DNAH10: variants seen among roughly 807,000 people sequenced by gnomAD.
DNAH10 encodes the protein axonemal beta dynein heavy chain 10.
A neutral mutation model predicts 506.6 loss-of-function variants in DNAH10; 348 were observed. That is an observed-to-expected ratio of 0.69 (90% CI 0.63 to 0.75). The LOEUF is 0.75. Among genes scored for constraint, DNAH10 ranks in the 30% least tolerant of loss-of-function variants. The pLI, the probability that DNAH10 is intolerant of heterozygous loss-of-function variation, is 0.00. For synonymous variants in DNAH10, 2,059 were observed against 2,198.6 expected (o/e 0.94, Z 1.78); for missense variants, 5,179 against 5,787.1 (o/e 0.89, Z 3.41).
rs1961044007 is a variant in DNAH10 at position 123,835,532 on chromosome 12, A to G, written c.4902+4A>G. On this transcript the variant is annotated splice_donor_region_variant and intron_variant, in intron 28 of 78. Coordinates refer to ENST00000673944, the MANE Select transcript of DNAH10 (RefSeq NM_001372106.1). ...CATCGATAAAGTATTTAAAAGGGCA[A>G]GTGACTCGCTTCTATTTTAGTAATG... is the stretch of plus-strand genomic sequence containing the variant. 6.2e-7 allele frequency: 1 copy of G among 1,605,786 alleles called. No homozygotes were observed.
At chr12:123,798,433 A>G (rs544319610) in intron 13 of DNAH10, among the ~76,000 whole-genome samples, 1 of 152,312 alleles carries the variant, frequency 6.6e-6, no homozygotes, top group South Asian at 2.1e-4. Context: ...TCACTTGAGC[A>G]GATCTCCCAA....
At chr12:123,878,359 A>T (rs1388597589) in intron 48 of DNAH10, among the ~76,000 whole-genome samples, 2 of 152,226 alleles carry the variant, frequency 1.3e-5, no homozygotes, top group Admixed American at 1.3e-4. Flanking sequence ...ATGAATGTCT[A>T]CTTTAGTCTA....
intron 52 of DNAH10, among the ~76,000 whole-genome samples, chr12:123,891,645 G>A (rs1952988094): frequency 6.6e-6 from 1 of 152,182 alleles, no homozygotes; most frequent in Non-Finnish European, 1.5e-5. Context: ...GGCAGGCAGA[G>A]CACAGGGAGC....
intron 46 of DNAH10, 95 bp from the exon 47 acceptor site, chr12:123,875,136 G>A: frequency 7.0e-7 from 1 of 1,434,358 alleles, no homozygotes; most frequent in East Asian, 2.5e-5. Context: ...AGAGTAACGG[G>A]AAAAATGAGC....
In DNAH10 at chr12:123,926,968, G is replaced by C. The variant is rs1954973280; in HGVS notation, c.12105+148G>C. 3.8e-6 allele frequency: 3 copies of C among 799,428 alleles called. No homozygotes were observed. The highest frequency in any genetic ancestry group is 3.0e-4 in the Middle Eastern group (1 of 3,286). 49.5% of individuals were successfully genotyped at this position (799,428 alleles called of 1,614,324 possible). On this transcript the variant is annotated intron_variant, in intron 69 of 78. Coordinates refer to ENST00000673944, the MANE Select transcript of DNAH10 (RefSeq NM_001372106.1). This position sits in a 1 kb window ranked among gnomAD's most constrained non-coding sequence, Gnocchi z 4.1. ...GCTAAGAAGCAGTAATGAAACACTG[G>C]GAAGATGACAATAATAGTTATGATT...
intron 65 of DNAH10, among the ~76,000 whole-genome samples, chr12:123,922,720 T>C (rs1050599095): frequency 6.6e-6 from 1 of 152,220 alleles, no homozygotes; most frequent in African/African-American, 2.4e-5. Flanking sequence ...GCTGTCTTCC[T>C]GCTCTGTCCA....
chr12:123,879,916 G>A (rs1952430236), intron 50 of DNAH10, 115 bp downstream of exon 50: 13 of 1,232,858 alleles, frequency 1.1e-5, no homozygotes, highest in South Asian at 1.5e-5. Flanking sequence ...CTGTCTGAGG[G>A]CTTGAAATAC....
intron 21 of DNAH10, chr12:123,814,240 A>G (rs75889421): frequency 0.12 from 22,541 of 181,770 alleles, 1,797 homozygotes; most frequent in African/African-American, 0.23. Flanking sequence ...GATTTAAGAT[A>G]ATAAAAGAAA....
At chr12:123,866,396 A>G (rs1951811925) in intron 41 of DNAH10, among the ~76,000 whole-genome samples, 1 of 151,458 alleles carries the variant, frequency 6.6e-6, no homozygotes, top group Non-Finnish European at 1.5e-5. Context: ...GGCGCCCGCC[A>G]CCACGACCGG....
At chr12:123,771,959 G>A (rs1957269482) in intron 3 of DNAH10, among the ~76,000 whole-genome samples, 1 of 152,216 alleles carries the variant, frequency 6.6e-6, no homozygotes, top group East Asian at 1.9e-4. Context: ...AACGTGCACA[G>A]GACAGAGACC....
In DNAH10 at chr12:123,930,535, AC is replaced by A; in HGVS notation, c.12747del (p.Tyr4249Ter). 1 of 1,605,752 alleles carries A rather than the reference AC, an allele frequency of 6.2e-7. No individual in the cohort carries two copies. Among genetic ancestry groups the A allele is most frequent in the Non-Finnish European group, 8.5e-7 (1 of 1,177,860 alleles). ...FHFFRNKEVD[Y>X]KIPVGDEKEK... ...TTCTTCCGGAACAAGGAAGTGGACT[AC>A]AAAATCCCTGTTGGTGATGAAAAGG... On this transcript the variant is annotated frameshift_variant, in exon 73 of 79. Coordinates refer to ENST00000673944, the MANE Select transcript of DNAH10 (RefSeq NM_001372106.1). LOFTEE classifies it high-confidence loss of function.
chr12:123,858,617 A>G (rs1951493604), intron 37 of DNAH10, among the ~76,000 whole-genome samples: 1 of 152,206 alleles, frequency 6.6e-6, no homozygotes, highest in South Asian at 2.1e-4. Context: ...ACGTCCGCTC[A>G]GAATTGTTCA....
chr12:123,788,831 T>C (rs967920663), intron 10 of DNAH10, among the ~76,000 whole-genome samples: 1 of 118,012 alleles, frequency 8.5e-6, no homozygotes, highest in Non-Finnish European at 1.7e-5. Flanking sequence ...AAGGCTGAGG[T>C]GGCACGTTGG....
intron 28 of DNAH10, 137 bp downstream of exon 28, chr12:123,835,665 C>T: frequency 7.6e-7 from 1 of 1,321,162 alleles, no homozygotes; most frequent in Admixed American, 2.5e-5. Context: ...TGCTCTGTTG[C>T]CCAGGCTGGA....
In DNAH10 at chr12:123,789,943, A is replaced by G; in HGVS notation, c.1637A>G (p.Tyr546Cys). Residue 546 changes from tyrosine to cysteine, a missense_variant, in exon 11 of 79, where the codon TAT becomes TGT. This residue lies in a region of DNAH10 where 4,844 missense variants were observed against 5,430.5 expected (regional missense o/e 0.89). Transcript: ENST00000673944. The stretch of plus-strand genomic sequence containing the variant: ...ATTGGACAGATTTTGGAGGAATTTT[A>G]TAACATATTTGGTCCAGAACTAAAG... ...SDVLQILEEF[Y>C]NIFGPELKAV... 3 of 1,612,000 alleles carry G rather than the reference A, an allele frequency of 1.9e-6. No individual in the cohort carries two copies. The highest frequency in any genetic ancestry group is 1.1e-5 in the South Asian group (1 of 90,550).
At chr12:123,879,228 A>T in intron 48 of DNAH10, 36 bp from the exon 49 acceptor site, 1 of 1,542,750 alleles carries the variant, frequency 6.5e-7, no homozygotes. Context: ...CCTTCAGGTG[A>T]CTTCCTGGCT....
intron 51 of DNAH10, 61 bp from the exon 52 acceptor site, chr12:123,887,081 A>C (rs1250529997): frequency 6.6e-7 from 1 of 1,516,384 alleles, no homozygotes; most frequent in East Asian, 2.4e-5. Context: ...CCCACCCCGG[A>C]GCCCGCAGGG....
Position 123,848,893 on chromosome 12 carries a change from T to C in DNAH10, c.6102+11T>C. The C allele has an allele frequency of 6.2e-7, 1 of 1,612,998 alleles. No individual in the cohort carries two copies. Among genetic ancestry groups the C allele is most frequent in the Non-Finnish European group, 8.5e-7 (1 of 1,179,460 alleles). ...TTAACCACGTTCCAGGTGAGACACA[T>C]GAAGCCCCCGGGACCATGTCCCTAG... On this transcript the variant is annotated intron_variant, in intron 34 of 78. Coordinates refer to ENST00000673944, the MANE Select transcript of DNAH10 (RefSeq NM_001372106.1).
At position 123,871,546 on chromosome 12, in the gene DNAH10, A is replaced by G. The variant is rs756941823; in HGVS notation, c.7729A>G (p.Thr2577Ala). 3 of 1,552,514 alleles carry G rather than the reference A, an allele frequency of 1.9e-6. No individual in the cohort carries two copies. The highest frequency in any genetic ancestry group is 2.6e-6 in the Non-Finnish European group (3 of 1,147,474). Residue 2577 changes from threonine to alanine, a missense_variant, in exon 45 of 79, where the codon ACT becomes GCT. By Grantham distance (58) the Thr-to-Ala change is moderately conservative (BLOSUM62 0). Coordinates refer to ENST00000673944, the MANE Select transcript of DNAH10 (RefSeq NM_001372106.1). ...QPVIFVGESG[T>A]SKTATTQNFL... ...TGTTATTTTTGTTGGTGAATCTGGC[A>G]CTTCTAAGACAGCCACTACCCAGAA...
Sources: allele counts gnomAD v4.1 joint callset (sites outside exome capture counted in the v4.1 genomes callset), GRCh38; gene constraint gnomAD v4.1.1; regional missense constraint gnomAD v4.1.1; non-coding constraint Gnocchi (gnomAD v3.1); transcripts MANE v1.5; gene names NCBI Gene and HGNC (gene_info 2026-07-23, HGNC 2026-07-21).